TRAK1: variants seen among roughly 807,000 people sequenced by gnomAD.
TRAK1 encodes the protein trafficking kinesin protein 1, also known as trafficking kinesin-binding protein 1.
TRAK1 carries 33 observed loss-of-function variants against 92.1 expected under a neutral mutation model. That is an observed-to-expected ratio of 0.36 (90% CI 0.27 to 0.48). The LOEUF is 0.48. Ranked by LOEUF, TRAK1 falls within the 20% of genes least tolerant of loss-of-function variation. TRAK1 has a pLI of 0.99. For synonymous variants in TRAK1, 521 were observed against 517.3 expected (o/e 1.01, Z -0.10); for missense variants, 1,123 against 1,257.9 (o/e 0.89, Z 1.62).
At chr3:42,030,067 C>T (rs752183598) in intron 1 of TRAK1, among the ~76,000 whole-genome samples, 4 of 147,932 alleles carry the variant, frequency 2.7e-5, no homozygotes, top group Admixed American at 6.8e-5. Flanking sequence ...AGGGTGATGC[C>T]GAGATCTCAC....
chr3:42,191,895 AT>A (rs68023368), intron 7 of TRAK1, among the ~76,000 whole-genome samples: 237 of 72,744 alleles, frequency 3.3e-3, no homozygotes, highest in Non-Finnish European at 4.3e-3. Context: ...GAATATTGGA[AT>A]TTTTTTTTTT....
chr3:42,079,487 T>TTG (rs1704327561), intron 1 of TRAK1, among the ~76,000 whole-genome samples: 1 of 149,394 alleles, frequency 6.7e-6, no homozygotes, highest in South Asian at 2.2e-4. Flanking sequence ...CTTTTTTTTT[T>TTG]TTTTTTGTTT....
At chr3:42,091,605 G>C (rs755889403) in intron 1 of TRAK1, 45 bp downstream of exon 1, 1 of 1,581,636 alleles carries the variant, frequency 6.3e-7, no homozygotes, top group Admixed American at 1.8e-5. Context: ...TTTCTTTGTG[G>C]TGTGGTCGGA....
At chr3:42,138,670 T>A (rs1327079493) in intron 2 of TRAK1, among the ~76,000 whole-genome samples, 1 of 149,754 alleles carries the variant, frequency 6.7e-6, no homozygotes, top group Non-Finnish European at 1.5e-5. Flanking sequence ...GAGGATTGCC[T>A]GAATCCAGGA....
chr3:42,172,797 G>T (rs571547254), intron 2 of TRAK1, among the ~76,000 whole-genome samples: 2 of 152,284 alleles, frequency 1.3e-5, no homozygotes, highest in African/African-American at 4.8e-5. Flanking sequence ...TGGGTAGGCA[G>T]CAAGTTGCAT....
chr3:42,092,475 G>A (rs1705203318), intron 1 of TRAK1, among the ~76,000 whole-genome samples: 1 of 152,116 alleles, frequency 6.6e-6, no homozygotes, highest in African/African-American at 2.4e-5. Flanking sequence ...GTGCACCCAG[G>A]GCCAGGTTTT....
chr3:42,068,755 A>G (rs1703785741), intron 1 of TRAK1, among the ~76,000 whole-genome samples: 1 of 152,248 alleles, frequency 6.6e-6, no homozygotes, highest in African/African-American at 2.4e-5. Context: ...CCTCAGTGGT[A>G]ACTGTAGAGC....
At chr3:42,183,373 T>C (rs1007318823) in intron 3 of TRAK1, among the ~76,000 whole-genome samples, 1 of 151,822 alleles carries the variant, frequency 6.6e-6, no homozygotes, top group Non-Finnish European at 1.5e-5. Flanking sequence ...CTGGCCAACG[T>C]GGTGAAACCC....
intron 3 of TRAK1, among the ~76,000 whole-genome samples, chr3:42,178,981 A>G (rs1703614869): frequency 6.6e-6 from 1 of 151,992 alleles, no homozygotes; most frequent in African/African-American, 2.4e-5. Flanking sequence ...CTCAAAAAAT[A>G]AAACAAAACA....
At chr3:42,119,274 T>G (rs1195880756) in intron 1 of TRAK1, among the ~76,000 whole-genome samples, 1 of 152,050 alleles carries the variant, frequency 6.6e-6, no homozygotes, top group African/African-American at 2.4e-5. Context: ...CAATAGAGAG[T>G]GACATTTGAA....
intron 1 of TRAK1, among the ~76,000 whole-genome samples, chr3:42,097,399 G>A (rs1706095200): frequency 1.3e-5 from 2 of 152,152 alleles, no homozygotes; most frequent in Admixed American, 6.6e-5. Flanking sequence ...GTGTTCAGAC[G>A]ATGTGGGAGA....
chr3:42,189,148 C>T, intron 6 of TRAK1, 24 bp downstream of exon 6: 1 of 1,560,774 alleles, frequency 6.4e-7, no homozygotes, highest in Non-Finnish European at 8.8e-7. Flanking sequence ...CCTTCTCTTG[C>T]CCCTGCTAGA....
upstream of TRAK1, among the ~76,000 whole-genome samples, chr3:42,086,857 C>G (rs73828531): frequency 0.021 from 3,131 of 152,222 alleles, 121 homozygotes; most frequent in African/African-American, 0.072. Context: ...TGCTTCAAGG[C>G]AGGTTTCAGT....
At chr3:42,129,964 CTTAT>C (rs1282408533) in intron 2 of TRAK1, among the ~76,000 whole-genome samples, 4 of 152,068 alleles carry the variant, frequency 2.6e-5, no homozygotes, top group Non-Finnish European at 1.5e-5. Flanking sequence ...CTGTCAGTAG[CTTAT>C]TTATTTATAA....
intron 14 of TRAK1, among the ~76,000 whole-genome samples, chr3:42,213,717 G>A (rs926504192): frequency 2.0e-5 from 3 of 152,224 alleles, no homozygotes; most frequent in African/African-American, 7.2e-5. Flanking sequence ...TGAGAAGTTG[G>A]TTTGGGGGCT....
chr3:42,167,750 G>A (rs980344893), intron 2 of TRAK1, among the ~76,000 whole-genome samples: 4 of 152,102 alleles, frequency 2.6e-5, no homozygotes, highest in African/African-American at 9.7e-5. Context: ...CGTGGTGGTG[G>A]GCACCTGTGG....
intron 1 of TRAK1, among the ~76,000 whole-genome samples, chr3:42,078,585 C>T (rs989176887): frequency 1.3e-5 from 2 of 151,720 alleles, no homozygotes; most frequent in African/African-American, 4.8e-5. Flanking sequence ...AACCCCATCT[C>T]TACTAAAAAT....
chr3:42,141,140 T>C (rs890432080), intron 2 of TRAK1, among the ~76,000 whole-genome samples: 2 of 152,216 alleles, frequency 1.3e-5, no homozygotes, highest in African/African-American at 4.8e-5. Context: ...TTCATCTTTT[T>C]AATATATTAT....
intron 2 of TRAK1, among the ~76,000 whole-genome samples, chr3:42,132,384 C>T (rs1305210887): frequency 6.6e-6 from 1 of 151,628 alleles, no homozygotes; most frequent in Non-Finnish European, 1.5e-5. Flanking sequence ...CCACCTCAGC[C>T]CCCCAGTAGT....
Sources: allele counts gnomAD v4.1 joint callset (sites outside exome capture counted in the v4.1 genomes callset), GRCh38; gene constraint gnomAD v4.1.1; transcripts MANE v1.5; gene names NCBI Gene and HGNC (gene_info 2026-07-23, HGNC 2026-07-21).